TMEM132C: variants seen among roughly 807,000 people sequenced by gnomAD.
The protein encoded by TMEM132C is protein phosphatase 1, regulatory subunit 152.
A neutral mutation model predicts 61.4 loss-of-function variants in TMEM132C; 29 were observed. The ratio of observed to expected loss-of-function variants is 0.47; its 90% CI spans 0.35 to 0.64. The LOEUF (loss-of-function observed/expected upper bound fraction) is 0.64, where lower values mean the gene tolerates loss of function less well. Ranked by LOEUF, TMEM132C falls within the 30% of genes least tolerant of loss-of-function variation. TMEM132C has a pLI of 0.00. For synonymous variants in TMEM132C, 656 were observed against 633.1 expected, an observed-to-expected ratio of 1.04 and a Z score of -0.54; for missense variants, 1,408 against 1,476.9, an observed-to-expected ratio of 0.95 and a Z score of 0.76.
At chr12:128,633,861 A>T (rs753302154) in intron 4 of TMEM132C, among the ~76,000 whole-genome samples, 25 of 152,234 alleles carry the variant, frequency 1.6e-4, no homozygotes, top group Non-Finnish European at 2.2e-4. Context: ...AAAAAAAATC[A>T]TGGTTAATAA....
At chr12:128,669,621 T>G in intron 5 of TMEM132C, 61 bp downstream of exon 5, 1 of 1,531,710 alleles carries the variant, frequency 6.5e-7, no homozygotes, top group East Asian at 2.5e-5. Context: ...ACATCCCGTT[T>G]GCTAGGGACA....
intron 3 of TMEM132C, among the ~76,000 whole-genome samples, chr12:128,586,982 C>T (rs745489461): frequency 6.6e-6 from 1 of 152,170 alleles, no homozygotes; most frequent in Admixed American, 6.5e-5. Flanking sequence ...ACTGCTCTTC[C>T]GTTTTCACTT....
At chr12:128,421,574 T>C (rs538150247) in intron 2 of TMEM132C, among the ~76,000 whole-genome samples, 6 of 151,658 alleles carry the variant, frequency 4.0e-5, no homozygotes, top group African/African-American at 1.5e-4. Flanking sequence ...GCGTGAACCT[T>C]CTTGGCAAGA....
intron 2 of TMEM132C, chr12:128,437,796 C>G (rs1329916278): frequency 6.6e-6 from 1 of 152,308 alleles, no homozygotes; most frequent in South Asian, 2.1e-4. Flanking sequence ...TAGAAACTCT[C>G]AGAGAGGACA....
intron 2 of TMEM132C, among the ~76,000 whole-genome samples, chr12:128,530,016 G>A (rs2136134678): frequency 6.6e-6 from 1 of 152,022 alleles, no homozygotes; most frequent in Non-Finnish European, 1.5e-5. Flanking sequence ...TAAACGTCAT[G>A]GGAGCCAGAA....
chr12:128,385,852 C>T (rs151331679), intron 1 of TMEM132C, among the ~76,000 whole-genome samples: 5 of 152,296 alleles, frequency 3.3e-5, no homozygotes, highest in African/African-American at 1.2e-4. Context: ...GAGAGTCATA[C>T]ACCAGTGACG....
intron 1 of TMEM132C, among the ~76,000 whole-genome samples, chr12:128,291,761 C>T (rs996121082): frequency 5.9e-5 from 9 of 152,178 alleles, no homozygotes; most frequent in African/African-American, 2.2e-4. Flanking sequence ...TCCCAGGTTC[C>T]CTTGTTTTCT....
intron 1 of TMEM132C, among the ~76,000 whole-genome samples, chr12:128,330,070 C>T (rs60020220): frequency 0.18 from 27,035 of 152,120 alleles, 2,585 homozygotes; most frequent in Admixed American, 0.29. Context: ...TACCAAATCC[C>T]GGGAAATCAG....
At chr12:128,687,380 C>T (rs981369800) in intron 5 of TMEM132C, among the ~76,000 whole-genome samples, 4 of 152,078 alleles carry the variant, frequency 2.6e-5, no homozygotes, top group Non-Finnish European at 4.4e-5. Flanking sequence ...ACCCTCCATC[C>T]CCTAGATACC....
At chr12:128,442,207 C>A (rs1238278994) in intron 2 of TMEM132C, among the ~76,000 whole-genome samples, 1 of 152,140 alleles carries the variant, frequency 6.6e-6, no homozygotes, top group Non-Finnish European at 1.5e-5. Flanking sequence ...CTTGCTCCCT[C>A]CCCTCCAGAA....
chr12:128,433,868 T>C (rs915856831), intron 2 of TMEM132C, among the ~76,000 whole-genome samples: 2 of 152,184 alleles, frequency 1.3e-5, no homozygotes, highest in South Asian at 2.1e-4. Flanking sequence ...CCCCACACAA[T>C]CCCCTATGTT....
chr12:128,694,792 A>G (rs529431707), intron 6 of TMEM132C, among the ~76,000 whole-genome samples: 4 of 152,216 alleles, frequency 2.6e-5, no homozygotes, highest in Non-Finnish European at 4.4e-5. Flanking sequence ...GAAAGCTGTG[A>G]ATCTACCCAG....
At chr12:128,588,991 G>A (rs1436717101) in intron 3 of TMEM132C, among the ~76,000 whole-genome samples, 1 of 152,218 alleles carries the variant, frequency 6.6e-6, no homozygotes, top group Non-Finnish European at 1.5e-5. Flanking sequence ...TGGAAGGGCT[G>A]CAGACTGGAG....
At chr12:128,597,499 AGG>A in intron 3 of TMEM132C, among the ~76,000 whole-genome samples, 1 of 5,442 alleles carries the variant, frequency 1.8e-4, no homozygotes, top group South Asian at 0.033. Flanking sequence ...GAAGGAAAGA[AGG>A]AAGGAAGGAA....
At chr12:128,276,235 A>G in intron 1 of TMEM132C, among the ~76,000 whole-genome samples, 1 of 152,212 alleles carries the variant, frequency 6.6e-6, no homozygotes, top group Non-Finnish European at 1.5e-5. Flanking sequence ...CAGGGCCATC[A>G]TTATTTGTAT....
At chr12:128,420,511 A>T (rs1316228538) in intron 2 of TMEM132C, among the ~76,000 whole-genome samples, 1 of 152,178 alleles carries the variant, frequency 6.6e-6, no homozygotes, top group East Asian at 1.9e-4. Flanking sequence ...CATCACCTTG[A>T]ACTTTGTGAG....
chr12:128,509,409 A>G (rs1196019368), intron 2 of TMEM132C, among the ~76,000 whole-genome samples: 1 of 152,204 alleles, frequency 6.6e-6, no homozygotes, highest in Non-Finnish European at 1.5e-5. Context: ...TACATTTTAC[A>G]TGTGAAAGCA....
At chr12:128,439,739 A>C (rs1869719088) in intron 2 of TMEM132C, among the ~76,000 whole-genome samples, 1 of 152,020 alleles carries the variant, frequency 6.6e-6, no homozygotes, top group Admixed American at 6.6e-5. Flanking sequence ...TCTGTAGCTG[A>C]CTGTAGTGGG....
intron 2 of TMEM132C, among the ~76,000 whole-genome samples, chr12:128,535,433 T>C (rs931671662): frequency 2.6e-5 from 4 of 152,076 alleles, no homozygotes; most frequent in African/African-American, 9.7e-5. Flanking sequence ...GCGAAGGATA[T>C]GAACAGACAC....
Sources: gnomAD v4.1 joint callset for allele counts (sites outside exome capture counted in the v4.1 genomes callset) on GRCh38, gnomAD v4.1.1 for gene constraint, MANE v1.5 for transcripts, NCBI Gene and HGNC (gene_info 2026-07-23, HGNC 2026-07-21) for gene names.